ELFN1: variants seen among roughly 807,000 people sequenced by gnomAD.
ELFN1 encodes the protein extracellular leucine rich repeat and fibronectin type III domain containing 1.
Under a neutral mutation model 7.6 loss-of-function variants are expected in ELFN1, and 6 were observed. The observed-to-expected ratio is 0.79, with a 90% confidence interval of 0.43 to 1.56. The LOEUF is 1.56. Ranked by LOEUF, ELFN1 falls within the 40% of genes most tolerant of loss-of-function variation. The pLI is 0.01. For missense variants in ELFN1, 1,169 were observed against 1,232.2 expected, an observed-to-expected ratio of 0.95 and a Z score of 0.77; for synonymous variants, 657 against 588.1, an observed-to-expected ratio of 1.12 and a Z score of -1.70.
At chr7:1,704,450 C>T (rs1779488799) in intron 2 of ELFN1, among the ~76,000 whole-genome samples, 1 of 152,178 alleles carries the variant, frequency 6.6e-6, no homozygotes, top group East Asian at 1.9e-4. Flanking sequence ...CCTGCATGCA[C>T]ACACACTCAT....
At chr7:1,693,716 C>T (rs1366785302) in intron 2 of ELFN1, 1 of 470,916 alleles carries the variant, frequency 2.1e-6, no homozygotes, top group Non-Finnish European at 4.4e-6. Context: ...GCGCCACACT[C>T]ACCCTCCCGC....
At chr7:1,723,835 G>T (rs988365189) in intron 3 of ELFN1, among the ~76,000 whole-genome samples, 1 of 152,228 alleles carries the variant, frequency 6.6e-6, no homozygotes, top group Admixed American at 6.5e-5. Context: ...TTCTGCTATA[G>T]GCAGCTCTGC....
rs966132097 is a variant in ELFN1 at position 1,739,691 on chromosome 7, G to A, written c.-293-4613G>A. On this transcript the variant is annotated intron_variant, in intron 3 of 3. Transcript: ENST00000424383. This position sits in a 1 kb window ranked among gnomAD's most constrained non-coding sequence, Gnocchi z 4.6. Reference sequence around the variant, plus strand: ...GTGGCTGGGATGCTGGAGTGGAGAGGGCGGCAGGAGGGAGCCAGCAGCTTC... The same window carrying A: ...GTGGCTGGGATGCTGGAGTGGAGAGAGCGGCAGGAGGGAGCCAGCAGCTTC... 6.6e-6 allele frequency among the ~76,000 whole-genome samples: 1 copy of A among 152,142 alleles called. No homozygotes were observed. The highest frequency in any genetic ancestry group is 2.4e-5 in the African/African-American group (1 of 41,410).
intron 1 of ELFN1, among the ~76,000 whole-genome samples, chr7:1,686,752 A>G (rs998003317): frequency 6.6e-6 from 1 of 152,018 alleles, no homozygotes; most frequent in Admixed American, 6.5e-5. Context: ...GCAGGCCAGA[A>G]ATTTGTGAAT....
intron 3 of ELFN1, chr7:1,742,283 G>C (rs534911786): frequency 7.2e-5 from 11 of 152,264 alleles, no homozygotes; most frequent in African/African-American, 2.7e-4. Flanking sequence ...CTTCCTACAC[G>C]CTTCCTGTGC....
chr7:1,680,100 C>G (rs565476226), intron 1 of ELFN1, among the ~76,000 whole-genome samples: 1 of 152,350 alleles, frequency 6.6e-6, no homozygotes, highest in Admixed American at 6.5e-5. Flanking sequence ...ACCCAGTGGA[C>G]ATTCTCCGAT....
intron 3 of ELFN1, among the ~76,000 whole-genome samples, chr7:1,733,290 G>GACCC: frequency 6.6e-6 from 1 of 152,338 alleles, no homozygotes; most frequent in African/African-American, 2.4e-5. Context: ...TGCCCGACAG[G>GACCC]TGGCCTTGGG....
chr7:1,728,818 G>A (rs781572291), intron 3 of ELFN1, among the ~76,000 whole-genome samples: 53 of 152,144 alleles, frequency 3.5e-4, no homozygotes, highest in Non-Finnish European at 6.5e-4. Context: ...AGCTCCTGTC[G>A]GGGAAGGGGA....
chr7:1,734,534 G>A (rs1780394774), intron 3 of ELFN1, among the ~76,000 whole-genome samples: 1 of 152,070 alleles, frequency 6.6e-6, no homozygotes, highest in Non-Finnish European at 1.5e-5. Context: ...CCAGCCCTGA[G>A]CCCTCCCCGC....
At chr7:1,683,788 T>C (rs915609288) in intron 1 of ELFN1, among the ~76,000 whole-genome samples, 1 of 152,266 alleles carries the variant, frequency 6.6e-6, no homozygotes, top group Non-Finnish European at 1.5e-5. Context: ...TATTTATCAT[T>C]ATGAAACCTT....
In ELFN1 at chr7:1,705,141, G is replaced by A. The variant is rs1334710106; in HGVS notation, c.-455-3950G>A. 1.3e-5 allele frequency among the ~76,000 whole-genome samples: 2 copies of A among 152,080 alleles called. No homozygotes were observed. The highest frequency in any genetic ancestry group is 4.8e-5 in the African/African-American group (2 of 41,406). ...AGCCCGCAGGAGGTAACAGCCTGAG[G>A]GCTGCAGGTCACACCCACAGGGCCA... On this transcript the variant is annotated intron_variant, in intron 2 of 3. Transcript: ENST00000424383. The surrounding 1 kb of genome is among the most constrained non-coding windows in gnomAD (Gnocchi z 4.3).
At chr7:1,712,851 A>C (rs1332106618) in intron 3 of ELFN1, among the ~76,000 whole-genome samples, 1 of 152,238 alleles carries the variant, frequency 6.6e-6, no homozygotes, top group African/African-American at 2.4e-5. Context: ...TTATCAGGAC[A>C]GCTTCAAGTC....
At position 1,711,575 on chromosome 7, in the gene ELFN1, TGAGAGAGAGAGAGAGAGA is replaced by T. The variant is rs55658122; in HGVS notation, c.-294+2358_-294+2375del. 7.4e-4 allele frequency among the ~76,000 whole-genome samples: 65 copies of T among 87,572 alleles called. 1 individual carries two copies. Among genetic ancestry groups the T allele is most frequent in the South Asian group, 1.8e-3 (4 of 2,182 alleles). 57.5% of individuals were successfully genotyped at this position (87,572 alleles called of 152,430 possible). A position where few individuals can be genotyped will look rare whatever the true frequency, so the allele number is the denominator to read the frequency against. ...AAACCTTGAAGAGAGAGCGAGAGAG[TGAGAGAGAGAGAGAGAGA>T]GAGAGAGAGAGAGAGAGAGAGAGAG... On this transcript the variant is annotated intron_variant, in intron 3 of 3. Coordinates refer to ENST00000424383, the MANE Select transcript of ELFN1 (RefSeq NM_001128636.4).
In ELFN1 at chr7:1,747,245, G is replaced by A. The variant is rs1208698823; in HGVS notation, c.*162G>A. 30 of 810,014 alleles carry A rather than the reference G, an allele frequency of 3.7e-5. No homozygotes were observed. Among genetic ancestry groups the A allele is most frequent in the South Asian group, 1.0e-4 (4 of 39,478 alleles). 50.2% of individuals were successfully genotyped at this position (810,014 alleles called of 1,614,324 possible). A position where few individuals can be genotyped will look rare whatever the true frequency, so the allele number is the denominator to read the frequency against. On this transcript the variant is annotated 3_prime_UTR_variant, in exon 4 of 4. Coordinates refer to ENST00000424383, the MANE Select transcript of ELFN1 (RefSeq NM_001128636.4). Reference sequence around the variant, plus strand: ...GAGTGGGGACAGACAAGGGGGACACGTCCCGAGCTCCTGTGGCCGGTCCTG... The same window carrying A: ...GAGTGGGGACAGACAAGGGGGACACATCCCGAGCTCCTGTGGCCGGTCCTG...
chr7:1,671,097 C>T (rs967943527), intron 1 of ELFN1, among the ~76,000 whole-genome samples: 1 of 151,818 alleles, frequency 6.6e-6, no homozygotes, highest in African/African-American at 2.4e-5. Flanking sequence ...CCATTTCCAT[C>T]CTTTGAAACC....
intron 3 of ELFN1, among the ~76,000 whole-genome samples, chr7:1,720,568 G>A (rs1364870694): frequency 1.3e-5 from 2 of 152,186 alleles, no homozygotes; most frequent in Non-Finnish European, 2.9e-5. Flanking sequence ...CAGGCAGGTG[G>A]TAGACCAGAT....
intron 3 of ELFN1, among the ~76,000 whole-genome samples, chr7:1,733,471 T>G (rs1233320221): frequency 6.6e-6 from 1 of 152,068 alleles, no homozygotes; most frequent in African/African-American, 2.4e-5. Context: ...CGTGGTGTTA[T>G]GTCAGCATCC....
chr7:1,690,414 T>C (rs530486550), intron 2 of ELFN1, among the ~76,000 whole-genome samples: 3 of 146,418 alleles, frequency 2.0e-5, no homozygotes, highest in Non-Finnish European at 4.5e-5. Context: ...GGTGGATGAA[T>C]GGATGGATGA....
chr7:1,723,189 CA>C (rs758399401), intron 3 of ELFN1, among the ~76,000 whole-genome samples: 2 of 152,090 alleles, frequency 1.3e-5, no homozygotes, highest in Non-Finnish European at 2.9e-5. Flanking sequence ...AGTGAAACTC[CA>C]TCTCAAAAAA....
Sources: allele counts gnomAD v4.1 joint callset (sites outside exome capture counted in the v4.1 genomes callset), GRCh38; gene constraint gnomAD v4.1.1; non-coding constraint Gnocchi (gnomAD v3.1); transcripts MANE v1.5; gene names NCBI Gene and HGNC (gene_info 2026-07-23, HGNC 2026-07-21).